The following RAB31 variants were observed in gnomAD, a reference collection of about 807,000 sequenced individuals.
The protein encoded by RAB31 is ras-related protein Rab-31.
RAB31 carries 21 observed loss-of-function variants against 25.6 expected under a neutral mutation model. The observed-to-expected ratio is 0.82, with a 90% CI of 0.58 to 1.18. The LOEUF (loss-of-function observed/expected upper bound fraction) is 1.18, where lower values mean the gene tolerates loss of function less well. Ranked by LOEUF, RAB31 falls within the 50% of genes most tolerant of loss-of-function variation. The pLI is 0.00. For missense variants in RAB31, 196 were observed against 250.1 expected (o/e 0.78, Z 1.46); for synonymous variants, 87 against 84.0 (o/e 1.04, Z -0.20).
chr18:9,761,745 G>A (rs1181811659), intron 1 of RAB31, among the ~76,000 whole-genome samples: 1 of 152,202 alleles, frequency 6.6e-6, no homozygotes, highest in Non-Finnish European at 1.5e-5. Context: ...GCTTGCAAGA[G>A]CAAGCAGGCA....
At chr18:9,858,456 A>G (rs1014166134) in intron 6 of RAB31, among the ~76,000 whole-genome samples, 1 of 152,230 alleles carries the variant, frequency 6.6e-6, no homozygotes, top group Admixed American at 6.5e-5. Context: ...GTATATTCAC[A>G]GATCTGTGCA....
intron 1 of RAB31, among the ~76,000 whole-genome samples, chr18:9,716,329 A>G (rs1220756051): frequency 1.3e-5 from 2 of 152,124 alleles, no homozygotes; most frequent in African/African-American, 4.8e-5. Flanking sequence ...GTGATCATGT[A>G]TAATATTAAA....
At chr18:9,716,167 T>C (rs186398051) in intron 1 of RAB31, among the ~76,000 whole-genome samples, 2 of 152,322 alleles carry the variant, frequency 1.3e-5, no homozygotes, top group Admixed American at 1.3e-4. Flanking sequence ...TTTTTCCCCA[T>C]GACTCTGGCA....
chr18:9,854,647 C>T (rs554894215), intron 6 of RAB31, among the ~76,000 whole-genome samples: 5 of 152,102 alleles, frequency 3.3e-5, no homozygotes, highest in Non-Finnish European at 7.3e-5. Context: ...TATTCAGGGC[C>T]TTCTAGTAAT....
intron 1 of RAB31, among the ~76,000 whole-genome samples, chr18:9,710,924 T>C (rs1272781574): frequency 7.0e-6 from 1 of 142,360 alleles, no homozygotes; most frequent in Non-Finnish European, 1.5e-5. Flanking sequence ...TTCCTTTTTT[T>C]TTTTTTGAGG....
intron 1 of RAB31, chr18:9,774,871 A>T (rs754623824): frequency 1.9e-6 from 1 of 519,582 alleles, no homozygotes; most frequent in Non-Finnish European, 3.8e-6. Flanking sequence ...AGAGAAACAG[A>T]TTACGTGTCT....
intron 1 of RAB31, among the ~76,000 whole-genome samples, chr18:9,771,606 G>A (rs374129361): frequency 9.5e-4 from 144 of 152,314 alleles, no homozygotes; most frequent in African/African-American, 3.2e-3. Context: ...CATTCCCAGC[G>A]CGGAGTGACT....
chr18:9,724,113 T>C (rs906066201), intron 1 of RAB31, among the ~76,000 whole-genome samples: 1 of 150,640 alleles, frequency 6.6e-6, no homozygotes, highest in South Asian at 2.1e-4. Flanking sequence ...CTACTAAAAA[T>C]ACAAAAAATT....
chr18:9,784,374 G>T (rs2145495884), intron 2 of RAB31, among the ~76,000 whole-genome samples: 1 of 152,068 alleles, frequency 6.6e-6, no homozygotes, highest in Non-Finnish European at 1.5e-5. Context: ...GGATATAGTT[G>T]TACAGGGACA....
At chr18:9,847,614 T>C (rs757732319) in intron 6 of RAB31, among the ~76,000 whole-genome samples, 3 of 152,180 alleles carry the variant, frequency 2.0e-5, no homozygotes, top group Non-Finnish European at 4.4e-5. Flanking sequence ...TCTTTGTTGC[T>C]CAGGCTGGAG....
intron 2 of RAB31, among the ~76,000 whole-genome samples, chr18:9,782,191 T>C (rs2068408523): frequency 1.3e-5 from 2 of 152,362 alleles, no homozygotes; most frequent in South Asian, 4.1e-4. Flanking sequence ...CACTCATTTA[T>C]ATGTCCTGCC....
intron 2 of RAB31, among the ~76,000 whole-genome samples, chr18:9,776,569 C>G (rs977433267): frequency 1.3e-5 from 2 of 152,146 alleles, no homozygotes; most frequent in Non-Finnish European, 1.5e-5. Flanking sequence ...AGATTTTACC[C>G]TAATTGCAGC....
rs72959350 is a variant in RAB31 at position 9,811,840 on chromosome 18, T to A, written c.202-2180T>A. ...TTCTCATCTAACAGTATGTCAAAGATCTCTTTTCCTATAAATAAAAATCAT... is the reference window on the plus strand; with the variant it reads ...TTCTCATCTAACAGTATGTCAAAGAACTCTTTTCCTATAAATAAAAATCAT... On this transcript the variant is annotated intron_variant, in intron 3 of 6. Transcript: ENST00000578921. 4.8e-3 allele frequency among the ~76,000 whole-genome samples: 724 copies of A among 152,340 alleles called. 4 individuals are homozygous for A. Among genetic ancestry groups the A allele is most frequent in the Non-Finnish European group, 5.7e-3 (391 of 68,040 alleles).
intron 2 of RAB31, chr18:9,787,900 A>G (rs1001354122): frequency 2.0e-5 from 3 of 152,258 alleles, no homozygotes; most frequent in African/African-American, 7.2e-5. Context: ...ACTGTAGACC[A>G]TCAGAGGAGT....
Position 9,708,830 on chromosome 18 carries a change from G to C in RAB31, c.39+386G>C, listed in dbSNP as rs1174853783. Among the ~76,000 whole-genome samples, 3 of 152,186 alleles carry C rather than the reference G, an allele frequency of 2.0e-5. No individual in the cohort carries two copies. The highest frequency in any genetic ancestry group is 4.8e-5 in the African/African-American group (2 of 41,460). On this transcript the variant is annotated intron_variant, in intron 1 of 6. Transcript: ENST00000578921. The surrounding 1 kb of genome is among the most constrained non-coding windows in gnomAD (Gnocchi z 6.4). The stretch of plus-strand genomic sequence containing the variant: ...CCTCGCGGGGACCCCCAGCGGGGAC[G>C]GGGCAGTGGCGGCGAGTCTGGGGCC...
chr18:9,859,401 G>A lies in RAB31; in HGVS notation c.*76G>A, dbSNP rs1356031908. 9.9e-6 allele frequency: 13 copies of A among 1,309,102 alleles called. No individual in the cohort carries two copies. The African/African-American group carries it at 1.2e-4, about 12-fold the overall frequency. The allele number at this position is 1,309,102 out of a possible 1,614,324, so 81.1% of individuals were successfully genotyped here. ...TGCACTGCTGAAGGACCCTACGCTC[G>A]GTGGCCTGGCACCTCACTTTGAGAA... On this transcript the variant is annotated 3_prime_UTR_variant, in exon 7 of 7. Coordinates refer to ENST00000578921, the MANE Select transcript of RAB31 (RefSeq NM_006868.4).
chr18:9,840,688 C>T (rs1377599579), intron 5 of RAB31, among the ~76,000 whole-genome samples: 1 of 152,068 alleles, frequency 6.6e-6, no homozygotes, highest in Non-Finnish European at 1.5e-5. Flanking sequence ...TTAGTGTAGA[C>T]CCTGCAAGTT....
intron 1 of RAB31, among the ~76,000 whole-genome samples, chr18:9,718,932 G>A (rs1408439954): frequency 6.6e-6 from 1 of 151,806 alleles, no homozygotes; most frequent in Non-Finnish European, 1.5e-5. Flanking sequence ...CAAATTTTGG[G>A]GATCACAAAT....
chr18:9,835,750 G>A (rs569104128), intron 5 of RAB31, among the ~76,000 whole-genome samples: 3 of 151,986 alleles, frequency 2.0e-5, no homozygotes, highest in Admixed American at 6.6e-5. Context: ...GTTTATTTTC[G>A]TTTTTTTCCT....
Sources: gnomAD v4.1 joint callset for allele counts (sites outside exome capture counted in the v4.1 genomes callset) on GRCh38, gnomAD v4.1.1 for gene constraint, Gnocchi (gnomAD v3.1) non-coding constraint, MANE v1.5 for transcripts, NCBI Gene and HGNC (gene_info 2026-07-23, HGNC 2026-07-21) for gene names.